The following RFX3 variants were observed in gnomAD, a reference collection of about 807,000 sequenced individuals.
The protein encoded by RFX3 is regulatory factor X3, also known as transcription factor RFX3.
Under a neutral mutation model 98.6 loss-of-function variants are expected in RFX3, and 14 were observed. That is an observed-to-expected ratio of 0.14 (90% confidence interval 0.09 to 0.22). The LOEUF (loss-of-function observed/expected upper bound fraction) is 0.22, where lower values mean the gene tolerates loss of function less well. Ranked by LOEUF, RFX3 falls within the 10% of genes least tolerant of loss-of-function variation. The pLI, the probability that RFX3 is intolerant of heterozygous loss-of-function variation, is 1.00. For synonymous variants in RFX3, 383 were observed against 328.4 expected, an observed-to-expected ratio of 1.17 and a Z score of -1.80; for missense variants, 639 against 926.9, an observed-to-expected ratio of 0.69 and a Z score of 4.03.
chr9:3,517,371 G>A (rs990657071), intron 1 of RFX3, among the ~76,000 whole-genome samples: 1 of 152,118 alleles, frequency 6.6e-6, no homozygotes, highest in African/African-American at 2.4e-5. Context: ...CTGGTCACTC[G>A]CTGTCCTTTC....
At chr9:3,360,313 G>C (rs938149974) in intron 2 of RFX3, among the ~76,000 whole-genome samples, 13 of 151,674 alleles carry the variant, frequency 8.6e-5, no homozygotes, top group Non-Finnish European at 1.5e-4. Context: ...ACTGAAAAGA[G>C]AAGAACAAAG....
intron 1 of RFX3, among the ~76,000 whole-genome samples, chr9:3,476,219 C>T (rs1701684452): frequency 6.6e-6 from 1 of 150,886 alleles, no homozygotes; most frequent in Non-Finnish European, 1.5e-5. Context: ...CATATATAAT[C>T]ATGTCTATGT....
chr9:3,366,710 CTTTCTTT>C (rs1367897016), intron 2 of RFX3, among the ~76,000 whole-genome samples: 4 of 91,940 alleles, frequency 4.4e-5, no homozygotes, highest in South Asian at 6.7e-4. Flanking sequence ...TTCTTTCTTT[CTTTCTTT>C]CTTTCTTTCT....
At chr9:3,280,878 G>C (rs535081790) in intron 7 of RFX3, among the ~76,000 whole-genome samples, 3 of 151,650 alleles carry the variant, frequency 2.0e-5, no homozygotes, top group East Asian at 1.9e-4. Flanking sequence ...CAATGTTGTA[G>C]AAATACATCA....
intron 2 of RFX3, among the ~76,000 whole-genome samples, chr9:3,379,374 A>G (rs1413166928): frequency 1.3e-5 from 2 of 152,224 alleles, no homozygotes; most frequent in African/African-American, 4.8e-5. Flanking sequence ...AAAGCAAGGT[A>G]TAAACAATGA....
rs993450884 is a variant in RFX3 at position 3,218,775 on chromosome 9, C to A, written c.*6267G>T. The A allele has an allele frequency of 1.3e-5, 2 of 152,112 alleles. No individual in the cohort carries two copies. Among genetic ancestry groups the A allele is most frequent in the African/African-American group, 4.8e-5 (2 of 41,430 alleles). The allele number at this position is 152,112 out of a possible 1,614,324, so 9.4% of individuals were successfully genotyped here. On this transcript the variant is annotated 3_prime_UTR_variant, in exon 17 of 17. Coordinates refer to ENST00000617270, the MANE Select transcript of RFX3 (RefSeq NM_001282116.2). ...CAATCTCTACAAAAGTTGCTTACCT[C>A]ATTTACATAATATATTCAGTCGATT...
At chr9:3,388,828 C>T (rs1055516616) in intron 2 of RFX3, among the ~76,000 whole-genome samples, 1 of 152,008 alleles carries the variant, frequency 6.6e-6, no homozygotes. Context: ...AGTCCCTGAA[C>T]CCCAGGGCTC....
intron 11 of RFX3, among the ~76,000 whole-genome samples, chr9:3,268,518 C>T (rs1823954409): frequency 1.3e-5 from 2 of 151,640 alleles, no homozygotes; most frequent in African/African-American, 4.8e-5. Context: ...CTTTACTTTG[C>T]TACACCTCAT....
intron 15 of RFX3, among the ~76,000 whole-genome samples, chr9:3,240,475 C>T (rs544513712): frequency 6.6e-6 from 1 of 152,248 alleles, no homozygotes; most frequent in East Asian, 1.9e-4. Flanking sequence ...TACCACTTCT[C>T]TTTTCTGGAA....
rs371955718 is a variant in RFX3, at chr9:3,467,426, A to G, written c.-9+58321T>C. Among the ~76,000 whole-genome samples the G allele has an allele frequency of 2.8e-4, 42 of 151,356 alleles. No individual in the cohort carries two copies. The South Asian group carries it at 3.7e-3, about 13-fold the overall frequency. On this transcript the variant is annotated intron_variant, in intron 1 of 16. Coordinates refer to ENST00000617270, the MANE Select transcript of RFX3 (RefSeq NM_001282116.2). ...AGTCATAAGTAAAAGACTAATCTCT[A>G]TATCATACATTAAGGCTTGCAACTG...
At chr9:3,505,214 ATATATATTTATATATGAAT>A (rs1459004252) in intron 1 of RFX3, among the ~76,000 whole-genome samples, 3 of 76,490 alleles carry the variant, frequency 3.9e-5, no homozygotes, top group African/African-American at 6.4e-5. Flanking sequence ...ATATATATGA[ATATATATTTATATATGAAT>A]ATATATTTAT....
rs953362463 is a variant in RFX3 at position 3,269,169 on chromosome 9, A to AT, written c.1357+1201dup. On this transcript the variant is annotated intron_variant, in intron 11 of 16. Coordinates refer to ENST00000617270, the MANE Select transcript of RFX3 (RefSeq NM_001282116.2). ...CAAAATTGTGAGATAATGTCAGCTA[A>AT]TTTTTTTTTTACTTATTCCTATATA... Among the ~76,000 whole-genome samples, 11 of 150,080 alleles carry AT rather than the reference A, an allele frequency of 7.3e-5. No homozygotes were observed. The East Asian group carries it at 7.8e-4, about 11-fold the overall frequency.
chr9:3,346,813 G>C, intron 2 of RFX3, 49 bp from the exon 3 acceptor site: 3 of 1,096,318 alleles, frequency 2.7e-6, no homozygotes, highest in Non-Finnish European at 4.2e-6. Flanking sequence ...ATGATAGGAA[G>C]AATACAGAGC....
chr9:3,465,037 C>T (rs2133114348), intron 1 of RFX3, among the ~76,000 whole-genome samples: 1 of 152,114 alleles, frequency 6.6e-6, no homozygotes, highest in African/African-American at 2.4e-5. Flanking sequence ...AGGACCTGTT[C>T]CTAATTAAGG....
chr9:3,242,314 T>C (rs1187546163), intron 15 of RFX3, among the ~76,000 whole-genome samples: 4 of 152,024 alleles, frequency 2.6e-5, no homozygotes, highest in Admixed American at 2.6e-4. Flanking sequence ...ACTAATATAG[T>C]AAATAATAAG....
chr9:3,269,154 A>C (rs1824042326), intron 11 of RFX3, among the ~76,000 whole-genome samples: 1 of 152,106 alleles, frequency 6.6e-6, no homozygotes, highest in South Asian at 2.1e-4. Flanking sequence ...CAAAATTGTG[A>C]GATAATGTCA....
intron 4 of RFX3, among the ~76,000 whole-genome samples, chr9:3,313,161 C>T (rs1206957241): frequency 6.6e-6 from 1 of 152,140 alleles, no homozygotes; most frequent in African/African-American, 2.4e-5. Flanking sequence ...TCCTCTGAGA[C>T]GAAGCTTCCA....
At chr9:3,240,136 T>C (rs1261531998) in intron 15 of RFX3, among the ~76,000 whole-genome samples, 1 of 152,234 alleles carries the variant, frequency 6.6e-6, no homozygotes, top group Non-Finnish European at 1.5e-5. Flanking sequence ...TTTTCTGGTA[T>C]GGAACTCAGG....
intron 2 of RFX3, among the ~76,000 whole-genome samples, chr9:3,376,755 C>A (rs1838555854): frequency 6.6e-6 from 1 of 152,036 alleles, no homozygotes; most frequent in South Asian, 2.1e-4. Flanking sequence ...AAGAAAAAAA[C>A]AAACAACCCC....
Sources: allele counts gnomAD v4.1 joint callset (sites outside exome capture counted in the v4.1 genomes callset), GRCh38; gene constraint gnomAD v4.1.1; transcripts MANE v1.5; gene names NCBI Gene and HGNC (gene_info 2026-07-23, HGNC 2026-07-21).